NFIA: variants seen among roughly 807,000 people sequenced by gnomAD.
The protein encoded by NFIA is nuclear factor I A, also known as nuclear factor 1 A-type.
NFIA carries 8 observed loss-of-function variants against 62.8 expected under a neutral mutation model. The observed-to-expected ratio is 0.13, with a 90% CI of 0.07 to 0.23. NFIA has a LOEUF of 0.23. Ranked by LOEUF, NFIA falls within the 10% of genes least tolerant of loss-of-function variation. The probability of loss-of-function intolerance (pLI) is 1.00; values close to 1 mark genes in which losing one functional copy is unlikely to be tolerated. For synonymous variants in NFIA, 235 were observed against 238.1 expected (o/e 0.99, Z 0.12); for missense variants, 410 against 642.1 (o/e 0.64, Z 3.91).
At chr1:61,201,945 T>C (rs1652529870) in intron 2 of NFIA, among the ~76,000 whole-genome samples, 1 of 150,878 alleles carries the variant, frequency 6.6e-6, no homozygotes, top group Non-Finnish European at 1.5e-5. Context: ...TGTAAGAAAA[T>C]CTTAAAAAAA....
intron 3 of NFIA, among the ~76,000 whole-genome samples, chr1:61,286,565 C>T (rs1227444322): frequency 1.3e-5 from 2 of 152,058 alleles, no homozygotes; most frequent in African/African-American, 2.4e-5. Context: ...ACCATTTGTT[C>T]GTTCATTCAT....
intron 2 of NFIA, among the ~76,000 whole-genome samples, chr1:61,264,653 C>CAAAAAA (rs1165980251): frequency 6.6e-5 from 4 of 60,738 alleles, no homozygotes; most frequent in Non-Finnish European, 1.3e-4. Context: ...CTCCACCTTA[C>CAAAAAA]AAAAAAAAAA....
At chr1:61,224,315 A>T (rs1022050936) in intron 2 of NFIA, among the ~76,000 whole-genome samples, 1 of 152,122 alleles carries the variant, frequency 6.6e-6, no homozygotes, top group African/African-American at 2.4e-5. Flanking sequence ...CATAGAAAAA[A>T]GTGTGCTTTT....
chr1:61,213,681 C>T (rs1653407671), intron 2 of NFIA, among the ~76,000 whole-genome samples: 1 of 152,144 alleles, frequency 6.6e-6, no homozygotes, highest in Non-Finnish European at 1.5e-5. Context: ...TTGGAAAGGA[C>T]ACAAGGGGTT....
At chr1:61,145,772 T>C (rs184371007) in intron 2 of NFIA, among the ~76,000 whole-genome samples, 1 of 152,318 alleles carries the variant, frequency 6.6e-6, no homozygotes, top group Admixed American at 6.5e-5. Flanking sequence ...GTTCTTCTGC[T>C]TTAAATTTTA....
At chr1:61,379,023 C>T (rs1664280002) in intron 6 of NFIA, among the ~76,000 whole-genome samples, 1 of 152,188 alleles carries the variant, frequency 6.6e-6, no homozygotes, top group African/African-American at 2.4e-5. Context: ...CTCAAACTCA[C>T]CTGATTGGGG....
chr1:61,132,957 C>T (rs902566431), intron 2 of NFIA: 1 of 152,158 alleles, frequency 6.6e-6, no homozygotes, highest in African/African-American at 2.4e-5. Flanking sequence ...CCCCCCCACC[C>T]AGGCTTTTTA....
intron 5 of NFIA, among the ~76,000 whole-genome samples, chr1:61,356,421 T>C (rs1483549798): frequency 6.6e-6 from 1 of 152,120 alleles, no homozygotes; most frequent in Non-Finnish European, 1.5e-5. Flanking sequence ...CCAGAAACCA[T>C]GTGGAAAAAA....
intron 2 of NFIA, among the ~76,000 whole-genome samples, chr1:61,244,299 C>T (rs186742): frequency 0.047 from 7,155 of 152,240 alleles, 237 homozygotes; most frequent in Non-Finnish European, 0.072. Flanking sequence ...TTGCCAAAGG[C>T]TTTGAAGGGG....
intron 2 of NFIA, among the ~76,000 whole-genome samples, chr1:61,110,845 A>T (rs1231749050): frequency 1.3e-5 from 2 of 152,104 alleles, no homozygotes; most frequent in African/African-American, 4.8e-5. Flanking sequence ...GGCAAAAACC[A>T]AAAAGGATAT....
intron 2 of NFIA, among the ~76,000 whole-genome samples, chr1:61,205,220 G>T (rs530973842): frequency 2.0e-5 from 3 of 152,314 alleles, no homozygotes; most frequent in African/African-American, 7.2e-5. Context: ...AACCGAGGTT[G>T]TCTTAATTCC....
At chr1:61,218,939 T>G in intron 2 of NFIA, among the ~76,000 whole-genome samples, 1 of 152,214 alleles carries the variant, frequency 6.6e-6, no homozygotes, top group African/African-American at 2.4e-5. Flanking sequence ...TGATAAGAAA[T>G]TGATCAACTC....
chr1:61,408,732 G>A (rs142057891), intron 9 of NFIA, among the ~76,000 whole-genome samples: 165 of 152,240 alleles, frequency 1.1e-3, no homozygotes, highest in African/African-American at 4.0e-3. Context: ...TAAAGGATGG[G>A]GGCTCAAATG....
At chr1:61,332,483 T>A in intron 3 of NFIA, 29 bp from the exon 4 acceptor site, 1 of 1,601,664 alleles carries the variant, frequency 6.2e-7, no homozygotes, top group Non-Finnish European at 8.6e-7. Context: ...TTTATGACAC[T>A]TTGTTTTCTT....
chr1:61,392,834 G>A (rs1665049131), intron 7 of NFIA, among the ~76,000 whole-genome samples: 1 of 152,206 alleles, frequency 6.6e-6, no homozygotes, highest in South Asian at 2.1e-4. Flanking sequence ...ATGAACCCAG[G>A]GGACCTGGAT....
chr1:61,333,928 G>C (rs1292052409), intron 4 of NFIA, among the ~76,000 whole-genome samples: 1 of 152,136 alleles, frequency 6.6e-6, no homozygotes, highest in Non-Finnish European at 1.5e-5. Context: ...CGAACCCGGA[G>C]GGTGGAGGTT....
At chr1:61,231,877 A>C (rs1048017046) in intron 2 of NFIA, among the ~76,000 whole-genome samples, 10 of 152,220 alleles carry the variant, frequency 6.6e-5, no homozygotes, top group African/African-American at 2.2e-4. Context: ...AACAACAAAA[A>C]AAAACAAAAC....
At chr1:61,329,415 C>G (rs1354761088) in intron 3 of NFIA, among the ~76,000 whole-genome samples, 2 of 141,520 alleles carry the variant, frequency 1.4e-5, no homozygotes, top group African/African-American at 5.4e-5. Flanking sequence ...CAGAGTCTTG[C>G]TCTGTCACCC....
intron 2 of NFIA, among the ~76,000 whole-genome samples, chr1:61,106,036 G>A (rs1464542070): frequency 1.3e-5 from 2 of 151,504 alleles, no homozygotes; most frequent in East Asian, 3.9e-4. Flanking sequence ...CCACTGGAGG[G>A]AAGCTTTGAA....
Sources: allele counts gnomAD v4.1 joint callset (sites outside exome capture counted in the v4.1 genomes callset), GRCh38; gene constraint gnomAD v4.1.1; transcripts MANE v1.5; gene names NCBI Gene and HGNC (gene_info 2026-07-23, HGNC 2026-07-21).